The following PTPN12 variants were observed in gnomAD, a reference collection of about 807,000 sequenced individuals.
The protein encoded by PTPN12 is protein tyrosine phosphatase non-receptor type 12.
PTPN12 carries 29 observed loss-of-function variants against 97.6 expected under a neutral mutation model. The observed-to-expected ratio is 0.30, with a 90% confidence interval of 0.22 to 0.41. The LOEUF (loss-of-function observed/expected upper bound fraction) is 0.41, where lower values mean the gene tolerates loss of function less well. Among genes scored for constraint, PTPN12 ranks in the 10% least tolerant of loss-of-function variants. The pLI is 1.00. For synonymous variants in PTPN12, 327 were observed against 300.4 expected, an observed-to-expected ratio of 1.09 and a Z score of -0.91; for missense variants, 819 against 926.0, an observed-to-expected ratio of 0.88 and a Z score of 1.50.
chr7:77,627,658 A>G lies in PTPN12; in HGVS notation c.1979A>G (p.His660Arg), dbSNP rs1036563974. ...AGACATAATATAGCAGGAACAACAC[A>G]TTCAGGTGCTGAAAAAGGTAATAAT... ...IARHNIAGTT[H>R]SGAEKDVDVS... The change falls in exon 13 of 18, where the codon CAT becomes CGT. Residue 660 changes from histidine to arginine, a missense_variant. By Grantham distance (29) the His-to-Arg change is conservative (BLOSUM62 0). Coordinates refer to ENST00000248594, the MANE Select transcript of PTPN12 (RefSeq NM_002835.4). 1.3e-6 allele frequency: 2 copies of G among 1,576,730 alleles called. No homozygotes were observed. The highest frequency in any genetic ancestry group is 1.7e-6 in the Non-Finnish European group (2 of 1,163,282).
intron 1 of PTPN12, 47 bp downstream of exon 1, chr7:77,537,692 C>T: frequency 6.5e-7 from 1 of 1,531,584 alleles, no homozygotes; most frequent in Non-Finnish European, 8.8e-7. Flanking sequence ...GCGCCGGAGC[C>T]CATCGCCGCC....
rs571502235 is a variant in PTPN12 at position 77,617,510 on chromosome 7, C to G, written c.940-970C>G. On this transcript the variant is annotated intron_variant, in intron 11 of 17. Coordinates refer to ENST00000248594, the MANE Select transcript of PTPN12 (RefSeq NM_002835.4). ...GTAATTGAAGTAACAGTTGGACAAG[C>G]TGTCATGATGGACATAGTAGAAGTG... Among the ~76,000 whole-genome samples, 60 of 152,282 alleles carry G rather than the reference C, an allele frequency of 3.9e-4. No individual in the cohort carries two copies. The South Asian group carries it at 5.0e-3, about 13-fold the overall frequency.
rs145211150 is a variant in PTPN12 at position 77,627,586 on chromosome 7, G to T, written c.1907G>T (p.Ser636Ile). 4.3e-6 allele frequency: 7 copies of T among 1,613,528 alleles called. No homozygotes were observed. In the Admixed American group the frequency reaches 5.0e-5, roughly 12 times the overall value. Residue 636 changes from serine to isoleucine, a missense_variant, in exon 13 of 18, where the codon AGT becomes ATT. Around this residue, in one of 5 missense-constraint regions of PTPN12, gnomAD observed 607 missense variants for 577.3 expected, o/e 1.05. Coordinates refer to ENST00000248594, the MANE Select transcript of PTPN12 (RefSeq NM_002835.4). ...TASATVSAAT[S>I]TESISTRKVL... is the part of the protein sequence containing the mutation. Reference sequence around the variant, plus strand: ...AGTGCCACAGTTTCTGCTGCCACTAGTACTGAAAGCATTTCTACTAGGAAA... The same window carrying T: ...AGTGCCACAGTTTCTGCTGCCACTATTACTGAAAGCATTTCTACTAGGAAA...
chr7:77,597,806 G>A (rs750867501), intron 6 of PTPN12, 36 bp from the exon 7 acceptor site: 44 of 1,588,038 alleles, frequency 2.8e-5, no homozygotes, highest in Middle Eastern at 1.7e-4. Context: ...TTGTTTTAAC[G>A]TTTTCACTGA....
intron 15 of PTPN12, 96 bp downstream of exon 15, chr7:77,635,945 C>A: frequency 6.9e-6 from 5 of 719,596 alleles, no homozygotes; most frequent in South Asian, 2.7e-5. Context: ...ATCTTAAGAT[C>A]GTTAAATATA....
chr7:77,555,109 T>A (rs1015156152), intron 1 of PTPN12, among the ~76,000 whole-genome samples: 5 of 152,178 alleles, frequency 3.3e-5, no homozygotes, highest in Non-Finnish European at 7.4e-5. Context: ...GTCACTCTCT[T>A]CTTGCTTGCC....
At chr7:77,602,225 A>G (rs1359356621) in intron 8 of PTPN12, among the ~76,000 whole-genome samples, 3 of 152,116 alleles carry the variant, frequency 2.0e-5, no homozygotes, top group Non-Finnish European at 4.4e-5. Flanking sequence ...GCTAAGAGAA[A>G]TCAGTTTAAG....
At chr7:77,593,525 T>C (rs993005007) in intron 6 of PTPN12, among the ~76,000 whole-genome samples, 3 of 152,198 alleles carry the variant, frequency 2.0e-5, no homozygotes, top group African/African-American at 7.2e-5. Flanking sequence ...AGAGCTGATG[T>C]TCAGTTCTAG....
rs1789235883 is a variant in PTPN12, at chr7:77,627,411, A to G, written c.1732A>G (p.Thr578Ala). The change falls in exon 13 of 18, where the codon ACA (threonine) becomes GCA (alanine). Residue 578 changes from threonine (T) to alanine (A), a missense_variant. By Grantham distance (58) the Thr-to-Ala change is moderately conservative. Coordinates refer to ENST00000248594, the MANE Select transcript of PTPN12 (RefSeq NM_002835.4). ...LTPSPTTQVE[T>A]PDLVDHDNTS... ...ACCAAGTCCTACAACACAAGTTGAAACACCTGATCTTGTGGATCATGATAA... is the reference window on the plus strand; with the variant it reads ...ACCAAGTCCTACAACACAAGTTGAAGCACCTGATCTTGTGGATCATGATAA... 1 of 1,614,158 alleles carries G rather than the reference A, an allele frequency of 6.2e-7. No homozygotes were observed. Among genetic ancestry groups the G allele is most frequent in the Non-Finnish European group, 8.5e-7 (1 of 1,179,982 alleles).
At chr7:77,558,545 G>A (rs1807835658) in intron 1 of PTPN12, among the ~76,000 whole-genome samples, 3 of 152,226 alleles carry the variant, frequency 2.0e-5, no homozygotes, top group Non-Finnish European at 1.5e-5. Flanking sequence ...AGGGGAGAGA[G>A]TTTGGCTTTT....
chr7:77,542,562 C>T (rs904886458), intron 1 of PTPN12, among the ~76,000 whole-genome samples: 1 of 152,086 alleles, frequency 6.6e-6, no homozygotes. Flanking sequence ...GTGTATACAA[C>T]ACATCTGATA....
In PTPN12 at chr7:77,626,682, C is replaced by G. The variant is rs369901482; in HGVS notation, c.1026-23C>G. 4.5e-6 allele frequency: 7 copies of G among 1,568,448 alleles called. No individual in the cohort carries two copies. The African/African-American group carries it at 8.2e-5, about 18-fold the overall frequency. On this transcript the variant is annotated intron_variant, in intron 12 of 17. Transcript: ENST00000248594. The stretch of plus-strand genomic sequence containing the variant: ...ACTTGTTTAACAGTCTTAAAATGCC[C>G]TTTTTAAATGTTTGTTTTTCAGTTG...
intron 1 of PTPN12, among the ~76,000 whole-genome samples, chr7:77,539,682 G>C (rs1336625961): frequency 6.6e-6 from 1 of 152,060 alleles, no homozygotes; most frequent in Non-Finnish European, 1.5e-5. Context: ...CGGCTGGAGT[G>C]CAGCGGCGCA....
intron 11 of PTPN12, among the ~76,000 whole-genome samples, chr7:77,611,876 C>T (rs1018475951): frequency 1.1e-4 from 17 of 152,148 alleles, no homozygotes; most frequent in African/African-American, 4.1e-4. Context: ...CTAGACCTGA[C>T]AAAAACACTG....
chr7:77,591,585 C>G (rs1011307), intron 5 of PTPN12, among the ~76,000 whole-genome samples: 109,979 of 152,094 alleles, frequency 0.72, 41,163 homozygotes, highest in East Asian at 0.9. Context: ...TTGTGTAGGG[C>G]TTTTACCATC....
In PTPN12 at chr7:77,603,313, T is replaced by A. The variant is rs144010081; in HGVS notation, c.695+2507T>A. On this transcript the variant is annotated intron_variant, in intron 8 of 17. Transcript: ENST00000248594. ...GAAGGCTTTTCATCAAAAACTAAAT[T>A]GACCGTTAAATATTTTTAGACAATC... 4.4e-3 allele frequency among the ~76,000 whole-genome samples: 674 copies of A among 152,340 alleles called. 5 individuals are homozygous for A. Among genetic ancestry groups the A allele is most frequent in the African/African-American group, 0.016 (657 of 41,574 alleles).
At chr7:77,631,306 A>G (rs1420707179) in intron 13 of PTPN12, among the ~76,000 whole-genome samples, 1 of 152,182 alleles carries the variant, frequency 6.6e-6, no homozygotes, top group Non-Finnish European at 1.5e-5. Context: ...TCTCCAGCTA[A>G]ATAAATGTAG....
intron 6 of PTPN12, among the ~76,000 whole-genome samples, chr7:77,597,605 T>C (rs1246734542): frequency 1.3e-5 from 2 of 152,246 alleles, no homozygotes; most frequent in Non-Finnish European, 2.9e-5. Context: ...GTGATTTTGG[T>C]ACATGTATGT....
At chr7:77,558,821 C>T (rs1267162966) in intron 1 of PTPN12, among the ~76,000 whole-genome samples, 1 of 152,088 alleles carries the variant, frequency 6.6e-6, no homozygotes, top group African/African-American at 2.4e-5. Context: ...CCAGCTTGGG[C>T]CACATAGTAA....
Sources: allele counts gnomAD v4.1 joint callset (sites outside exome capture counted in the v4.1 genomes callset), GRCh38; gene constraint gnomAD v4.1.1; regional missense constraint gnomAD v4.1.1; transcripts MANE v1.5; gene names NCBI Gene and HGNC (gene_info 2026-07-23, HGNC 2026-07-21).